COL19A1: variants seen among roughly 807,000 people sequenced by gnomAD.
The protein encoded by COL19A1 is collagen alpha-1(XIX) chain.
A neutral mutation model predicts 190.2 loss-of-function variants in COL19A1; 159 were observed. The ratio of observed to expected loss-of-function variants is 0.84; its 90% CI spans 0.73 to 0.95. The LOEUF is 0.95. COL19A1 is among the 40% of genes least tolerant of loss of function. The pLI, the probability that COL19A1 is intolerant of heterozygous loss-of-function variation, is 0.00. For missense variants in COL19A1, 1,418 were observed against 1,431.9 expected, an observed-to-expected ratio of 0.99 and a Z score of 0.16; for synonymous variants, 509 against 458.9, an observed-to-expected ratio of 1.11 and a Z score of -1.39.
chr6:69,867,822 A>G (rs1434237836), intron 1 of COL19A1, among the ~76,000 whole-genome samples: 3 of 152,210 alleles, frequency 2.0e-5, no homozygotes, highest in African/African-American at 7.2e-5. Context: ...GAGAGCAAAA[A>G]GAGGAGGGCC....
At chr6:69,887,463 A>G (rs1769021510) in intron 2 of COL19A1, among the ~76,000 whole-genome samples, 1 of 152,160 alleles carries the variant, frequency 6.6e-6, no homozygotes, top group African/African-American at 2.4e-5. Flanking sequence ...AGTGCAGTGA[A>G]TTTCTATGGA....
rs931402888 is a variant in COL19A1 at position 70,184,590 on chromosome 6, C to T, written c.2776-113C>T. On this transcript the variant is annotated intron_variant, in intron 44 of 50. Transcript: ENST00000620364. ...TTTTCCATTTTACCACCTTTCTTTA[C>T]CAAGCTCTCAGTAGAAATATGATTA... is the stretch of plus-strand genomic sequence containing the variant. 3.6e-6 allele frequency: 3 copies of T among 839,074 alleles called. No homozygotes were observed. The African/African-American group carries it at 5.1e-5, about 14-fold the overall frequency. The allele number at this position is 839,074 out of a possible 1,614,324, so 52.0% of individuals were successfully genotyped here.
intron 4 of COL19A1, among the ~76,000 whole-genome samples, chr6:69,922,462 A>T (rs2150003746): frequency 6.7e-6 from 1 of 149,610 alleles, no homozygotes; most frequent in African/African-American, 2.4e-5. Flanking sequence ...ATTATCGAAA[A>T]ATAATTCTAT....
rs1432625772 is a variant in COL19A1 at position 70,141,903 on chromosome 6, G to C, written c.1493G>C (p.Gly498Ala). The C allele has an allele frequency of 1.3e-6, 2 of 1,593,874 alleles. No individual in the cohort carries two copies. Among genetic ancestry groups the C allele is most frequent in the Non-Finnish European group, 1.7e-6 (2 of 1,162,088 alleles). Residue 498 changes from glycine (G) to alanine (A), a missense_variant, in exon 21 of 51, where the codon GGG (glycine) becomes GCG (alanine). Gly to Ala is a moderately conservative substitution (Grantham distance 60, BLOSUM62 0). Coordinates refer to ENST00000620364, the MANE Select transcript of COL19A1 (RefSeq NM_001858.6). ...TTATTTTATTTACAGGGAGAACCTG[G>C]GGTAATAGGATCACAGGGAGTAAAG... ...KGEKGDRGEPGVIGSQGVKGE... is the reference protein window; with the variant it reads ...KGEKGDRGEPAVIGSQGVKGE...
chr6:69,869,571 A>AT lies in COL19A1; in HGVS notation c.-33+2931_-33+2932insT, dbSNP rs199689565. ...TTCAAATTGAAAAAAAATGGGAAAA[A>AT]GGATGAATTTGAAAATACGGCCATA... On this transcript the variant is annotated intron_variant, in intron 1 of 50. Coordinates refer to ENST00000620364, the MANE Select transcript of COL19A1 (RefSeq NM_001858.6). Among the ~76,000 whole-genome samples the AT allele has an allele frequency of 3.7e-3, 559 of 152,308 alleles. 4 individuals carry two copies. Among genetic ancestry groups the AT allele is most frequent in the African/African-American group, 0.013 (527 of 41,566 alleles).
intron 4 of COL19A1, among the ~76,000 whole-genome samples, chr6:69,904,327 C>T (rs1008741938): frequency 6.6e-6 from 1 of 152,178 alleles, no homozygotes; most frequent in Non-Finnish European, 1.5e-5. Context: ...ATTAGCCACT[C>T]GATTAATGTG....
intron 9 of COL19A1, among the ~76,000 whole-genome samples, chr6:69,949,715 T>G (rs1464686696): frequency 6.6e-6 from 1 of 151,934 alleles, no homozygotes; most frequent in Non-Finnish European, 1.5e-5. Context: ...GTGAAATATG[T>G]GCATCTTCCA....
At chr6:70,104,727 G>A (rs745517572) in intron 16 of COL19A1, among the ~76,000 whole-genome samples, 1 of 152,212 alleles carries the variant, frequency 6.6e-6, no homozygotes, top group Non-Finnish European at 1.5e-5. Flanking sequence ...GCTGGTGAAT[G>A]CTAACAGGCA....
intron 11 of COL19A1, among the ~76,000 whole-genome samples, chr6:70,019,879 T>C (rs1031483801): frequency 2.6e-5 from 4 of 152,088 alleles, no homozygotes; most frequent in Non-Finnish European, 5.9e-5. Context: ...TATTTTCTTC[T>C]CAGTGGAGAA....
chr6:70,006,503 C>A (rs1307753134), intron 11 of COL19A1, among the ~76,000 whole-genome samples: 1 of 152,132 alleles, frequency 6.6e-6, no homozygotes, highest in Non-Finnish European at 1.5e-5. Flanking sequence ...AATCTGGATA[C>A]CTTGGTTGCC....
At chr6:70,078,164 GCAAAAACA>G (rs1258651432) in intron 15 of COL19A1, among the ~76,000 whole-genome samples, 1 of 152,148 alleles carries the variant, frequency 6.6e-6, no homozygotes, top group East Asian at 1.9e-4. Context: ...AAGAAAATAA[GCAAAAACA>G]CCTATACTGA....
chr6:69,883,609 C>T (rs1003856774), intron 2 of COL19A1, among the ~76,000 whole-genome samples: 2 of 152,224 alleles, frequency 1.3e-5, no homozygotes, highest in African/African-American at 4.8e-5. Context: ...CTGCAATCAG[C>T]AAACTGGTGT....
chr6:69,955,102 T>G (rs1033296837), intron 9 of COL19A1, among the ~76,000 whole-genome samples: 3 of 152,086 alleles, frequency 2.0e-5, no homozygotes, highest in African/African-American at 2.4e-5. Flanking sequence ...TTTTATGAAG[T>G]TTTAAGTTTG....
In COL19A1 at chr6:70,209,487, T is replaced by C. The variant is rs543244959; in HGVS notation, c.*2213T>C. 12 of 152,336 alleles carry C rather than the reference T, an allele frequency of 7.9e-5. No individual in the cohort carries two copies. Among genetic ancestry groups the C allele is most frequent in the Admixed American group, 3.9e-4 (6 of 15,302 alleles). 9.4% of individuals were successfully genotyped at this position (152,336 alleles called of 1,614,324 possible). ...ATTCATTTTCTTGTTTTATTAACTC[T>C]GTTCATTTTTATTCTACAAAATATG... On this transcript the variant is annotated 3_prime_UTR_variant, in exon 51 of 51. Coordinates refer to ENST00000620364, the MANE Select transcript of COL19A1 (RefSeq NM_001858.6).
At chr6:69,873,873 C>T (rs913725559) in intron 1 of COL19A1, among the ~76,000 whole-genome samples, 2 of 152,140 alleles carry the variant, frequency 1.3e-5, no homozygotes, top group Admixed American at 6.5e-5. Context: ...ATTTGAGGGC[C>T]TTAAGAAACC....
intron 14 of COL19A1, among the ~76,000 whole-genome samples, chr6:70,045,005 T>G (rs141899984): frequency 6.6e-6 from 1 of 152,164 alleles, no homozygotes; most frequent in Non-Finnish European, 1.5e-5. Context: ...TCCTTGGGAA[T>G]ACTTTTAATA....
At chr6:69,873,687 A>C (rs2149935104) in intron 1 of COL19A1, among the ~76,000 whole-genome samples, 1 of 152,236 alleles carries the variant, frequency 6.6e-6, no homozygotes, top group African/African-American at 2.4e-5. Flanking sequence ...CCCTGTACCC[A>C]CCCTCATAAT....
intron 11 of COL19A1, among the ~76,000 whole-genome samples, chr6:69,991,729 T>G (rs1776637909): frequency 6.6e-6 from 1 of 152,102 alleles, no homozygotes; most frequent in Admixed American, 6.6e-5. Flanking sequence ...CATTTTTTAA[T>G]GGGGTTATTT....
At chr6:69,937,440 C>A (rs1181697069) in intron 8 of COL19A1, among the ~76,000 whole-genome samples, 1 of 152,118 alleles carries the variant, frequency 6.6e-6, no homozygotes, top group Non-Finnish European at 1.5e-5. Context: ...ATATGATCCC[C>A]TGGTCAAGAA....
Sources: gnomAD v4.1 joint callset for allele counts (sites outside exome capture counted in the v4.1 genomes callset) on GRCh38, gnomAD v4.1.1 for gene constraint, MANE v1.5 for transcripts, NCBI Gene and HGNC (gene_info 2026-07-23, HGNC 2026-07-21) for gene names.